Variants in SYNPR observed in about 807,000 individuals in gnomAD.
The protein encoded by SYNPR is synaptoporin.
In SYNPR, 23 loss-of-function variants were observed where a neutral mutation model predicts 32.9. That is an observed-to-expected ratio of 0.70 (90% confidence interval 0.50 to 0.99). The LOEUF (loss-of-function observed/expected upper bound fraction) is 0.99, where lower values mean the gene tolerates loss of function less well. SYNPR is among the 50% of genes least tolerant of loss of function. SYNPR has a pLI of 0.00. For synonymous variants in SYNPR, 146 were observed against 135.9 expected (o/e 1.07, Z -0.52); for missense variants, 318 against 349.3 (o/e 0.91, Z 0.71).
At chr3:63,430,331 A>T (rs968108670) in intron 2 of SYNPR, among the ~76,000 whole-genome samples, 4 of 151,334 alleles carry the variant, frequency 2.6e-5, no homozygotes, top group Non-Finnish European at 5.9e-5. Context: ...TTCATTCCAT[A>T]TTTTCATTCA....
At chr3:63,361,582 A>G (rs1313626698) in intron 2 of SYNPR, among the ~76,000 whole-genome samples, 1 of 138,294 alleles carries the variant, frequency 7.2e-6, no homozygotes, top group Non-Finnish European at 1.5e-5. Context: ...TGGGTGACAG[A>G]GCGAGACTCT....
At chr3:63,245,371 C>T (rs935047156) in intron 1 of SYNPR, among the ~76,000 whole-genome samples, 19 of 151,750 alleles carry the variant, frequency 1.3e-4, no homozygotes, top group Non-Finnish European at 2.7e-4. Context: ...AAATGTTAGC[C>T]AAAATGTTTA....
chr3:63,607,882 A>C (rs377700343), intron 4 of SYNPR, among the ~76,000 whole-genome samples: 1 of 152,158 alleles, frequency 6.6e-6, no homozygotes, highest in Admixed American at 6.5e-5. Flanking sequence ...CAGCCACACC[A>C]TGAGAGCAAG....
chr3:63,568,621 G>C (rs1702834448), intron 4 of SYNPR, among the ~76,000 whole-genome samples: 1 of 152,140 alleles, frequency 6.6e-6, no homozygotes, highest in African/African-American at 2.4e-5. Context: ...TACTAAGCTA[G>C]GTATATGTGG....
chr3:63,397,338 T>C lies in SYNPR; in HGVS notation c.85-83494T>C, dbSNP rs113820622. 1.6e-3 allele frequency among the ~76,000 whole-genome samples: 246 copies of C among 152,316 alleles called. 4 individuals are homozygous for C. Among genetic ancestry groups the C allele is most frequent in the Middle Eastern group, 0.01 (3 of 294 alleles). ...CTGGTAGTTTTTAAACTTTGTTTAATGCAGAGAACTTAAAAAATCTTAGTT... is the reference window on the plus strand; with the variant it reads ...CTGGTAGTTTTTAAACTTTGTTTAACGCAGAGAACTTAAAAAATCTTAGTT... On this transcript the variant is annotated intron_variant, in intron 2 of 5. Transcript: ENST00000478300.
intron 3 of SYNPR, among the ~76,000 whole-genome samples, chr3:63,530,341 C>T (rs907028579): frequency 6.6e-6 from 1 of 152,016 alleles, no homozygotes; most frequent in Non-Finnish European, 1.5e-5. Context: ...TCCTGGGTGG[C>T]CCATGGTGCT....
chr3:63,511,148 A>T (rs1455706998), intron 3 of SYNPR, among the ~76,000 whole-genome samples: 2 of 59,362 alleles, frequency 3.4e-5, no homozygotes, highest in African/African-American at 1.0e-4. Flanking sequence ...ATGGACCCTG[A>T]GTACTGGGAA....
intron 4 of SYNPR, among the ~76,000 whole-genome samples, chr3:63,566,834 C>A (rs1575714945): frequency 6.6e-6 from 1 of 152,314 alleles, no homozygotes; most frequent in East Asian, 1.9e-4. Context: ...CAACACCAGG[C>A]ACTCAGCAGG....
At chr3:63,234,012 G>T (rs1193256807) in intron 1 of SYNPR, among the ~76,000 whole-genome samples, 1 of 152,154 alleles carries the variant, frequency 6.6e-6, no homozygotes, top group African/African-American at 2.4e-5. Flanking sequence ...TACATTAGGT[G>T]TGTGGTGAAA....
At chr3:63,254,283 C>T (rs530570328) in intron 2 of SYNPR, among the ~76,000 whole-genome samples, 110 of 152,078 alleles carry the variant, frequency 7.2e-4, no homozygotes, top group Admixed American at 1.5e-3. Flanking sequence ...CAAACCTGTA[C>T]GTTGTGCACA....
intron 2 of SYNPR, among the ~76,000 whole-genome samples, chr3:63,439,502 G>A (rs1252390934): frequency 6.6e-6 from 1 of 152,162 alleles, no homozygotes; most frequent in African/African-American, 2.4e-5. Context: ...CAGTCTAAGT[G>A]GCTAGCTGAC....
chr3:63,275,181 C>G (rs2086563772), upstream of SYNPR, among the ~76,000 whole-genome samples: 1 of 152,166 alleles, frequency 6.6e-6, no homozygotes, highest in South Asian at 2.1e-4. Flanking sequence ...CACCCTTAAC[C>G]ACTGATAGTA....
chr3:63,429,514 T>C (rs1039014619), intron 2 of SYNPR, among the ~76,000 whole-genome samples: 7 of 152,200 alleles, frequency 4.6e-5, no homozygotes, highest in African/African-American at 1.4e-4. Context: ...TCTTCCTTAA[T>C]AGACATGATT....
At chr3:63,492,921 A>T (rs1701282627) in intron 3 of SYNPR, among the ~76,000 whole-genome samples, 1 of 152,174 alleles carries the variant, frequency 6.6e-6, no homozygotes, top group Non-Finnish European at 1.5e-5. Context: ...GGACAAAAAA[A>T]TCCAGCTGTA....
At chr3:63,512,828 G>A (rs1457760849) in intron 3 of SYNPR, among the ~76,000 whole-genome samples, 1 of 152,140 alleles carries the variant, frequency 6.6e-6, no homozygotes, top group Non-Finnish European at 1.5e-5. Flanking sequence ...AAGCCACTAA[G>A]TTTGTGCTAA....
chr3:63,490,215 T>C (rs139943449), intron 3 of SYNPR, among the ~76,000 whole-genome samples: 9 of 151,782 alleles, frequency 5.9e-5, no homozygotes, highest in East Asian at 1.9e-4. Flanking sequence ...AAATCTGAGA[T>C]TGGGGAGAGT....
chr3:63,379,877 C>A (rs576517980), intron 2 of SYNPR, among the ~76,000 whole-genome samples: 1 of 152,100 alleles, frequency 6.6e-6, no homozygotes, highest in Admixed American at 6.5e-5. Context: ...GTGATGTTCC[C>A]CTTCCTGTGT....
intron 3 of SYNPR, among the ~76,000 whole-genome samples, chr3:63,544,798 A>G (rs1702371526): frequency 6.6e-6 from 1 of 152,096 alleles, no homozygotes; most frequent in Non-Finnish European, 1.5e-5. Flanking sequence ...CAGTTCACAT[A>G]TTATAGCACC....
chr3:63,591,188 C>CA (rs1178957400), intron 4 of SYNPR, among the ~76,000 whole-genome samples: 1 of 147,034 alleles, frequency 6.8e-6, no homozygotes, highest in East Asian at 2.0e-4. Context: ...TTTATGCAGC[C>CA]AAAAAACACA....
Sources: allele counts gnomAD v4.1 joint callset (sites outside exome capture counted in the v4.1 genomes callset), GRCh38; gene constraint gnomAD v4.1.1; transcripts MANE v1.5; gene names NCBI Gene and HGNC (gene_info 2026-07-23, HGNC 2026-07-21).